The following GOT2 variants were observed in gnomAD, a reference collection of about 807,000 sequenced individuals.
GOT2 encodes the protein aspartate aminotransferase, mitochondrial.
Under a neutral mutation model 50.0 loss-of-function variants are expected in GOT2, and 17 were observed. That is an observed-to-expected ratio of 0.34 (90% CI 0.23 to 0.51). GOT2 has a LOEUF of 0.51. GOT2 is among the 20% of genes least tolerant of loss of function. The pLI, the probability that GOT2 is intolerant of heterozygous loss-of-function variation, is 0.97. For synonymous variants in GOT2, 172 were observed against 204.9 expected, an observed-to-expected ratio of 0.84 and a Z score of 1.37; for missense variants, 430 against 559.6, an observed-to-expected ratio of 0.77 and a Z score of 2.34.
chr16:58,734,275 G>A lies in GOT2; in HGVS notation c.-47C>T, dbSNP rs2044861297. 2 of 1,050,844 alleles carry A rather than the reference G, an allele frequency of 1.9e-6. No homozygotes were observed. Among genetic ancestry groups the A allele is most frequent in the Admixed American group, 3.8e-5 (1 of 26,230 alleles). 65.1% of individuals were successfully genotyped at this position (1,050,844 alleles called of 1,614,324 possible). A position where few individuals can be genotyped will look rare whatever the true frequency, so the allele number is the denominator to read the frequency against. ...GGGCAGCCGCAGGACGGAGCAGAGG[G>A]CGAGCGGACACACACACAGGGAACC... On this transcript the variant is annotated 5_prime_UTR_variant, in exon 1 of 10. Coordinates refer to ENST00000245206, the MANE Select transcript of GOT2 (RefSeq NM_002080.4).
chr16:58,727,193 C>T (rs1212179758), intron 1 of GOT2, among the ~76,000 whole-genome samples: 1 of 152,062 alleles, frequency 6.6e-6, no homozygotes, highest in Non-Finnish European at 1.5e-5. Flanking sequence ...CACTCCGTCC[C>T]CCAGGCTGAA....
chr16:58,719,033 G>A (rs1168419955), intron 4 of GOT2, among the ~76,000 whole-genome samples, 163 bp downstream of exon 4: 2 of 152,180 alleles, frequency 1.3e-5, no homozygotes, highest in Admixed American at 1.3e-4. Context: ...TATCTTTCCT[G>A]TAATTTCTTC....
chr16:58,718,839 G>C (rs2044717661), intron 4 of GOT2, 151 bp from the exon 5 acceptor site: 1 of 660,524 alleles, frequency 1.5e-6, no homozygotes, highest in Admixed American at 3.0e-5. Context: ...AAGACTGCCT[G>C]GGTTGGAATA....
chr16:58,716,363 A>G, intron 7 of GOT2, 184 bp from the exon 8 acceptor site: 2 of 623,866 alleles, frequency 3.2e-6, no homozygotes, highest in Non-Finnish European at 5.5e-6. Context: ...TTGAGTACTC[A>G]GAGTATTCAA....
intron 3 of GOT2, 67 bp from the exon 4 acceptor site, chr16:58,719,322 C>T (rs2044721831): frequency 3.8e-6 from 4 of 1,062,294 alleles, no homozygotes; most frequent in Middle Eastern, 2.5e-4. Flanking sequence ...CCCAGGGCCA[C>T]TGCTTTGTCC....
intron 7 of GOT2, 41 bp from the exon 8 acceptor site, chr16:58,716,220 C>T (rs1416699077): frequency 5.1e-6 from 8 of 1,578,154 alleles, no homozygotes; most frequent in Non-Finnish European, 7.0e-6. Context: ...CTTCTACTAT[C>T]TAATGTGCTA....
At chr16:58,728,113 C>T (rs894093622) in intron 1 of GOT2, among the ~76,000 whole-genome samples, 1 of 152,118 alleles carries the variant, frequency 6.6e-6, no homozygotes, top group East Asian at 1.9e-4. Context: ...CAGTCTCAAT[C>T]GTTGTAATTA....
At chr16:58,719,131 C>G (rs1329468096) in intron 4 of GOT2, 65 bp downstream of exon 4, 11 of 1,134,852 alleles carry the variant, frequency 9.7e-6, no homozygotes, top group Non-Finnish European at 1.5e-5. Context: ...GTCAAATACA[C>G]ACACAACAGG....
intron 1 of GOT2, among the ~76,000 whole-genome samples, chr16:58,729,967 CT>C (rs1401627051): frequency 6.6e-6 from 1 of 152,006 alleles, no homozygotes; most frequent in Non-Finnish European, 1.5e-5. Context: ...AATTACAATG[CT>C]AGTTTTGAGA....
Position 58,708,159 on chromosome 16 carries a change from G to A in GOT2, c.*12C>T, listed in dbSNP as rs769017244. The A allele has an allele frequency of 1.9e-5, 31 of 1,612,572 alleles. No individual in the cohort carries two copies. Among genetic ancestry groups the A allele is most frequent in the Non-Finnish European group, 2.5e-5 (29 of 1,179,316 alleles). Reference sequence around the variant, plus strand: ...ACAGAAAGGTTGTCTCTGTTTCCTCGCACCAGGGACATTACTTGGTGACCT... The same window carrying A: ...ACAGAAAGGTTGTCTCTGTTTCCTCACACCAGGGACATTACTTGGTGACCT... On this transcript the variant is annotated 3_prime_UTR_variant, in exon 10 of 10. Coordinates refer to ENST00000245206, the MANE Select transcript of GOT2 (RefSeq NM_002080.4).
intron 1 of GOT2, among the ~76,000 whole-genome samples, chr16:58,728,845 TAA>T (rs548577497): frequency 6.9e-4 from 105 of 152,214 alleles, no homozygotes; most frequent in African/African-American, 2.4e-3. Context: ...CACGCCCGGC[TAA>T]TTTTTTTATT....
chr16:58,724,671 G>A (rs2044768910), intron 1 of GOT2, among the ~76,000 whole-genome samples: 1 of 152,108 alleles, frequency 6.6e-6, no homozygotes, highest in African/African-American at 2.4e-5. Context: ...CTCTGGAGTA[G>A]CTGGGATTAC....
Position 58,712,201 on chromosome 16 carries a change from C to A in GOT2, c.1020-2634G>T, listed in dbSNP as rs534916182. On this transcript the variant is annotated intron_variant, in intron 8 of 9. Transcript: ENST00000245206. Reference sequence around the variant, plus strand: ...CTCTCCCTTTAGTCATCATTTATTCCATTCTGTCTTATATTAAATATCATG... The same window carrying A: ...CTCTCCCTTTAGTCATCATTTATTCAATTCTGTCTTATATTAAATATCATG... Among the ~76,000 whole-genome samples, 955 of 152,192 alleles carry A rather than the reference C, an allele frequency of 6.3e-3. 5 individuals carry two copies. The highest frequency in any genetic ancestry group is 9.8e-3 in the Non-Finnish European group (664 of 68,006).
chr16:58,715,942 C>A, intron 8 of GOT2, 72 bp downstream of exon 8: 1 of 1,203,182 alleles, frequency 8.3e-7, no homozygotes, highest in Non-Finnish European at 1.2e-6. Context: ...CACTAGAGGT[C>A]AATTAAAAAC....
At chr16:58,714,300 T>C (rs549307228) in intron 8 of GOT2, among the ~76,000 whole-genome samples, 29 of 152,060 alleles carry the variant, frequency 1.9e-4, no homozygotes, top group African/African-American at 6.7e-4. Flanking sequence ...CCTGTAATCC[T>C]AGCACTTTGG....
At chr16:58,718,158 A>G (rs373233838) in intron 6 of GOT2, 38 bp downstream of exon 6, 6 of 1,420,848 alleles carry the variant, frequency 4.2e-6, no homozygotes, top group African/African-American at 4.2e-5. Context: ...GCTGGTTACT[A>G]AACACAGAAC....
chr16:58,718,435 T>TGAG, intron 5 of GOT2, 92 bp downstream of exon 5: 1 of 1,389,782 alleles, frequency 7.2e-7, no homozygotes, highest in Non-Finnish European at 9.9e-7. Context: ...TCCCCAGTAT[T>TGAG]TTAACTCAGA....
intron 2 of GOT2, 95 bp downstream of exon 2, chr16:58,723,651 G>C: frequency 1.0e-6 from 1 of 994,840 alleles, no homozygotes; most frequent in Non-Finnish European, 1.5e-6. Context: ...AAAGCCCAGG[G>C]CTCCTGATTC....
rs753256036 is a variant in GOT2, at chr16:58,734,157, C to CGCGGCGGCGAGGCCCGGGTGGAAG, written c.48_71dup (p.Phe17_Ala24dup). The CGCGGCGGCGAGGCCCGGGTGGAAG allele has an allele frequency of 3.0e-6, 4 of 1,333,660 alleles. No individual in the cohort carries two copies. The highest frequency in any genetic ancestry group is 3.0e-5 in the African/African-American group (2 of 66,680). 82.6% of individuals were successfully genotyped at this position (1,333,660 alleles called of 1,614,324 possible). ...TGGCTTACCTGGCTCTGGCAGAGGCCGCGGCGGCGAGGCCCGGGTGGAAGG... is the reference window on the plus strand; with the variant it reads ...TGGCTTACCTGGCTCTGGCAGAGGCCGCGGCGGCGAGGCCCGGGTGGAAGGCGGCGGCGAGGCCCGGGTGGAAGG... On this transcript the variant is annotated inframe_insertion, in exon 1 of 10. Coordinates refer to ENST00000245206, the MANE Select transcript of GOT2 (RefSeq NM_002080.4).
Sources: gnomAD v4.1 joint callset for allele counts (sites outside exome capture counted in the v4.1 genomes callset) on GRCh38, gnomAD v4.1.1 for gene constraint, MANE v1.5 for transcripts, NCBI Gene and HGNC (gene_info 2026-07-23, HGNC 2026-07-21) for gene names.